IRF8: variants seen among roughly 807,000 people sequenced by gnomAD.
IRF8 encodes interferon consensus sequence binding protein 1.
In IRF8, 14 loss-of-function variants were observed where a neutral mutation model predicts 48.7. That is an observed-to-expected ratio of 0.29 (90% CI 0.19 to 0.45). The LOEUF is 0.45. Ranked by LOEUF, IRF8 falls within the 20% of genes least tolerant of loss-of-function variation. The probability of loss-of-function intolerance (pLI) is 1.00; values close to 1 mark genes in which losing one functional copy is unlikely to be tolerated. For synonymous variants in IRF8, 278 were observed against 227.3 expected (o/e 1.22, Z -2.01); for missense variants, 493 against 580.7 (o/e 0.85, Z 1.55).
chr16:85,920,153 A>G lies in IRF8; in HGVS notation c.1033A>G (p.Arg345Gly), dbSNP rs747057908. The change falls in exon 8 of 9, where the codon AGG (arginine) becomes GGG (glycine). Residue 345 changes from arginine to glycine, a missense_variant. Transcript: ENST00000268638. ...CAGCCAGGGCCGGCTTCCTGACGGC[A>G]GGGTGGTGCTGTGCTTTGGGGAAGA... is the stretch of plus-strand genomic sequence containing the variant. ...YNSQGRLPDG[R>G]VVLCFGEEFP... 1.7e-5 allele frequency: 27 copies of G among 1,607,032 alleles called. No individual in the cohort carries two copies. The highest frequency in any genetic ancestry group is 2.0e-5 in the Non-Finnish European group (24 of 1,175,862).
chr16:85,911,066 G>C (rs1233297809), intron 3 of IRF8, among the ~76,000 whole-genome samples: 4 of 151,550 alleles, frequency 2.6e-5, no homozygotes, highest in Non-Finnish European at 5.9e-5. Context: ...GGGTGCTGCG[G>C]TGTGTGTGTG....
chr16:85,904,812 C>CTTTATTTTTTTTTT (rs1904941347), intron 2 of IRF8, among the ~76,000 whole-genome samples: 1 of 87,598 alleles, frequency 1.1e-5, no homozygotes, highest in African/African-American at 4.9e-5. Flanking sequence ...GATTGCAGAT[C>CTTTATTTTTTTTTT]TTTTTTTTTT....
At chr16:85,911,822 G>C (rs991956546) in intron 4 of IRF8, among the ~76,000 whole-genome samples, 164 bp downstream of exon 4, 8 of 152,240 alleles carry the variant, frequency 5.3e-5, no homozygotes, top group African/African-American at 1.9e-4. Context: ...AGGACTGGCT[G>C]GGCGCCCCCT....
intron 4 of IRF8, 100 bp from the exon 5 acceptor site, chr16:85,913,031 G>A: frequency 1.1e-6 from 1 of 901,556 alleles, no homozygotes; most frequent in East Asian, 2.4e-5. Flanking sequence ...TGACAATATG[G>A]TTTTACTTAC....
chr16:85,917,149 C>A (rs1441886272), intron 6 of IRF8, among the ~76,000 whole-genome samples: 1 of 152,046 alleles, frequency 6.6e-6, no homozygotes, highest in Non-Finnish European at 1.5e-5. Flanking sequence ...TCAGGGCCTC[C>A]CCAGATGTGG....
At chr16:85,901,036 C>G (rs1474612701) in intron 1 of IRF8, 1 of 152,236 alleles carries the variant, frequency 6.6e-6, no homozygotes, top group African/African-American at 2.4e-5. Context: ...CACCTCTGTG[C>G]AGCTCATTCC....
In IRF8 at chr16:85,909,040, A is replaced by G. The variant is rs1905075369; in HGVS notation, c.225A>G (p.Pro75=). 1.2e-6 allele frequency: 2 copies of G among 1,614,178 alleles called. No homozygotes were observed. The highest frequency in any genetic ancestry group is 1.7e-6 in the Non-Finnish European group (2 of 1,180,012). The change falls in exon 3 of 9, where the codon CCA becomes CCG. Residue 75 remains proline (P), a synonymous_variant. Coordinates refer to ENST00000268638, the MANE Select transcript of IRF8 (RefSeq NM_002163.4). ...TTAAAGAAGGGGACAAAGCTGAACC[A>G]GCCACTTGGAAGACGAGGTTACGCT... ...GKFKEGDKAE[P]ATWKTRLRCA...
intron 8 of IRF8, among the ~76,000 whole-genome samples, chr16:85,920,725 G>A (rs565442625): frequency 3.9e-5 from 6 of 152,166 alleles, no homozygotes; most frequent in African/African-American, 1.2e-4. Context: ...TCTGGGACGC[G>A]CACAGTCTGT....
At chr16:85,910,985 C>A (rs1344546808) in intron 3 of IRF8, among the ~76,000 whole-genome samples, 1 of 152,100 alleles carries the variant, frequency 6.6e-6, no homozygotes, top group African/African-American at 2.4e-5. Context: ...GCTGGCCCAG[C>A]GTGCCCCTGT....
At chr16:85,911,784 A>G (rs948574052) in intron 4 of IRF8, 126 bp downstream of exon 4, 3 of 753,580 alleles carry the variant, frequency 4.0e-6, no homozygotes, top group East Asian at 2.8e-5. Flanking sequence ...AGGAAGTGGC[A>G]TCTCCACCTG....
At chr16:85,902,945 A>C in intron 1 of IRF8, 70 bp from the exon 2 acceptor site, 7 of 1,545,572 alleles carry the variant, frequency 4.5e-6, no homozygotes, top group Middle Eastern at 1.7e-4. Flanking sequence ...TCCTGTTAGC[A>C]GTTTTTGGGT....
intron 6 of IRF8, among the ~76,000 whole-genome samples, chr16:85,915,857 C>G (rs1905287083): frequency 6.6e-6 from 1 of 152,196 alleles, no homozygotes; most frequent in African/African-American, 2.4e-5. Context: ...CCAGCAGGGT[C>G]ATAGCCACTG....
At chr16:85,903,822 C>T (rs140063338) in intron 2 of IRF8, among the ~76,000 whole-genome samples, 3 of 152,290 alleles carry the variant, frequency 2.0e-5, no homozygotes, top group African/African-American at 7.2e-5. Flanking sequence ...AGATGCTGTT[C>T]CCACCCTCAT....
chr16:85,912,942 T>C (rs1236682696), intron 4 of IRF8, among the ~76,000 whole-genome samples, 189 bp from the exon 5 acceptor site: 2 of 152,264 alleles, frequency 1.3e-5, no homozygotes, highest in Non-Finnish European at 2.9e-5. Context: ...ATGGTTTGAA[T>C]GCTAAGCCTG....
At chr16:85,904,181 C>T (rs757453196) in intron 2 of IRF8, among the ~76,000 whole-genome samples, 12 of 152,270 alleles carry the variant, frequency 7.9e-5, no homozygotes, top group East Asian at 3.9e-4. Context: ...GGACACTACA[C>T]GTAGTCTGAG....
chr16:85,900,119 G>C (rs937762109), intron 1 of IRF8, among the ~76,000 whole-genome samples: 1 of 152,256 alleles, frequency 6.6e-6, no homozygotes, highest in Non-Finnish European at 1.5e-5. Flanking sequence ...GTGCCAGAGA[G>C]AGAAATGGCT....
At position 85,909,265 on chromosome 16, in the gene IRF8, C is replaced by G. The variant is rs1254629868; in HGVS notation, c.358+92C>G. 7.2e-6 allele frequency: 7 copies of G among 975,190 alleles called. No individual in the cohort carries two copies. The East Asian group carries it at 1.8e-4, about 24-fold the overall frequency. The allele number at this position is 975,190 out of a possible 1,614,324, so 60.4% of individuals were successfully genotyped here. On this transcript the variant is annotated intron_variant, in intron 3 of 8. Coordinates refer to ENST00000268638, the MANE Select transcript of IRF8 (RefSeq NM_002163.4). The stretch of plus-strand genomic sequence containing the variant: ...CTTGGGTCTGGGGTAGACACAGGGT[C>G]TGGGGCACATAGTTTCAGTTAAACA...
At chr16:85,903,518 C>T (rs1004187964) in intron 2 of IRF8, 9 of 358,056 alleles carry the variant, frequency 2.5e-5, no homozygotes, top group African/African-American at 8.4e-5. Context: ...CCTTTCCCCA[C>T]GGGCTTCCAT....
chr16:85,914,836 G>A (rs28366896), intron 6 of IRF8, among the ~76,000 whole-genome samples: 3,740 of 152,164 alleles, frequency 0.025, 145 homozygotes, highest in African/African-American at 0.08. Flanking sequence ...GACCTGGTGT[G>A]GAAGTCGAGG....
Sources: allele counts gnomAD v4.1 joint callset (sites outside exome capture counted in the v4.1 genomes callset), GRCh38; gene constraint gnomAD v4.1.1; transcripts MANE v1.5; gene names NCBI Gene and HGNC (gene_info 2026-07-23, HGNC 2026-07-21).